Variants in STT3A observed in about 807,000 individuals in gnomAD.
STT3A encodes STT3 oligosaccharyltransferase complex catalytic subunit A.
A neutral mutation model predicts 89.2 loss-of-function variants in STT3A; 34 were observed. The observed-to-expected ratio is 0.38, with a 90% CI of 0.29 to 0.51. The LOEUF is 0.51. Ranked by LOEUF, STT3A falls within the 20% of genes least tolerant of loss-of-function variation. The pLI is 0.89. For synonymous variants in STT3A, 282 were observed against 310.3 expected (o/e 0.91, Z 0.96); for missense variants, 555 against 889.5 (o/e 0.62, Z 4.78).
At position 125,597,432 on chromosome 11, in the gene STT3A, A is replaced by AG. The variant is rs1268413277; in HGVS notation, c.149+313_149+314insG. ...AAACCCCATCTCTACAAAAAAAAAA[A>AG]AAAAAGTATGTGTTGGAATTGACCA... On this transcript the variant is annotated intron_variant, in intron 3 of 17. Transcript: ENST00000392708. 2.6e-5 allele frequency among the ~76,000 whole-genome samples: 4 copies of AG among 151,480 alleles called. No individual in the cohort carries two copies. The East Asian group carries it at 5.8e-4, about 22-fold the overall frequency.
Position 125,601,289 on chromosome 11 carries a change from G to A in STT3A, c.150-1014G>A, listed in dbSNP as rs557476670. On this transcript the variant is annotated intron_variant, in intron 3 of 17. Transcript: ENST00000392708. The stretch of plus-strand genomic sequence containing the variant: ...GGAAATTATTCATGTGTCTTTGTGT[G>A]CAGTATAGATTTTTAAAAATATGTT... Among the ~76,000 whole-genome samples, 9 of 152,242 alleles carry A rather than the reference G, an allele frequency of 5.9e-5. No homozygotes were observed. The South Asian group carries it at 1.9e-3, about 32-fold the overall frequency.
chr11:125,612,793 GTGTGTA>G, intron 12 of STT3A, 46 bp downstream of exon 12: 2 of 1,592,594 alleles, frequency 1.3e-6, no homozygotes, highest in Admixed American at 1.7e-5. Context: ...CTGTGTGTGT[GTGTGTA>G]TGTGTGTATG....
rs2135921143 is a variant in STT3A at position 125,604,199 on chromosome 11, G to A, written c.460G>A (p.Val154Ile). 1 of 1,614,046 alleles carries A rather than the reference G, an allele frequency of 6.2e-7. No homozygotes were observed. Among genetic ancestry groups the A allele is most frequent in the Non-Finnish European group, 8.5e-7 (1 of 1,179,970 alleles). The change falls in exon 6 of 18, where the codon GTT becomes ATT. Residue 154 changes from valine to isoleucine, a missense_variant. Physicochemically the swap from Val to Ile is conservative, Grantham distance 29. Coordinates refer to ENST00000392708, the MANE Select transcript of STT3A (RefSeq NM_152713.5). ...GLLAAAMIAV[V>I]PGYISRSVAG... is the part of the protein sequence containing the mutation. ...TCTTGCTGCTGCCATGATTGCTGTA[G>A]TTCCTGGATATATCTCCCGATCTGT...
At chr11:125,611,199 C>T (rs1940004209) in intron 10 of STT3A, 1 of 384,358 alleles carries the variant, frequency 2.6e-6, no homozygotes, top group Non-Finnish European at 4.7e-6. Flanking sequence ...GTATAATTAG[C>T]TCCTTGTTTT....
Position 125,620,778 on chromosome 11 carries a change from G to A in STT3A, c.2086G>A (p.Asp696Asn). ...TGACATCTTTATGTTGCAGGTAAAG[G>A]ACCTGGATAATCGAGGCTTGTCAAG... ...HWLVRIYKVK[D>N]LDNRGLSRT Residue 696 changes from aspartate to asparagine, a missense_variant, in exon 18 of 18, where the codon GAC (aspartate) becomes AAC (asparagine). Around this residue, in one of 5 missense-constraint regions of STT3A, gnomAD observed 273 missense variants for 449.8 expected, o/e 0.61. Coordinates refer to ENST00000392708, the MANE Select transcript of STT3A (RefSeq NM_152713.5). The A allele has an allele frequency of 2.5e-6, 4 of 1,613,832 alleles. No homozygotes were observed. Among genetic ancestry groups the A allele is most frequent in the South Asian group, 1.1e-5 (1 of 91,062 alleles).
At chr11:125,609,822 G>A in intron 10 of STT3A, 1 of 456,420 alleles carries the variant, frequency 2.2e-6, no homozygotes, top group Non-Finnish European at 3.8e-6. Context: ...TGTCATTTGT[G>A]TTATAAGTTA....
At position 125,620,966 on chromosome 11, in the gene STT3A, G is replaced by A. The variant is rs542090523; in HGVS notation, c.*156G>A. The A allele has an allele frequency of 1.2e-4, 63 of 514,648 alleles. No individual in the cohort carries two copies. The highest frequency in any genetic ancestry group is 1.1e-3 in the African/African-American group (56 of 50,772). The allele number at this position is 514,648 out of a possible 1,614,324, so 31.9% of individuals were successfully genotyped here. On this transcript the variant is annotated 3_prime_UTR_variant, in exon 18 of 18. Coordinates refer to ENST00000392708, the MANE Select transcript of STT3A (RefSeq NM_152713.5). The stretch of plus-strand genomic sequence containing the variant: ...AGTTTTGTCTTGGGCAGTATGGGCT[G>A]GGCCAAATGAAATGATTTTTATAAT...
chr11:125,618,750 T>C (rs946254536), intron 16 of STT3A, among the ~76,000 whole-genome samples, 189 bp downstream of exon 16: 5 of 152,142 alleles, frequency 3.3e-5, no homozygotes, highest in Admixed American at 6.5e-5. Context: ...GCATATTTTT[T>C]TGAGACAGGG....
At chr11:125,617,738 C>T (rs1313487009) in intron 15 of STT3A, among the ~76,000 whole-genome samples, 3 of 152,120 alleles carry the variant, frequency 2.0e-5, no homozygotes, top group Non-Finnish European at 4.4e-5. Context: ...TCTTGTCTAC[C>T]TTTTTGGTAA....
intron 17 of STT3A, among the ~76,000 whole-genome samples, 190 bp downstream of exon 17, chr11:125,620,316 C>T (rs1303775607): frequency 6.6e-6 from 1 of 152,204 alleles, no homozygotes; most frequent in Non-Finnish European, 1.5e-5. Flanking sequence ...TGATCCCAGT[C>T]TGCCATCATT....
chr11:125,620,169 G>T, intron 17 of STT3A, 43 bp downstream of exon 17: 1 of 1,517,742 alleles, frequency 6.6e-7, no homozygotes, highest in Non-Finnish European at 9.1e-7. Context: ...TTTTATTTTT[G>T]GAGATTGGTT....
At chr11:125,607,828 A>T (rs913287841) in intron 8 of STT3A, among the ~76,000 whole-genome samples, 1 of 152,226 alleles carries the variant, frequency 6.6e-6, no homozygotes, top group East Asian at 1.9e-4. Context: ...ATTTTAGTGG[A>T]TGGGAATTTG....
At position 125,622,619 on chromosome 11, in the gene STT3A, C is replaced by T. The variant is rs1940380371; in HGVS notation, c.*1809C>T. 1 of 152,328 alleles carries T rather than the reference C, an allele frequency of 6.6e-6. No individual in the cohort carries two copies. The allele number at this position is 152,328 out of a possible 1,614,324, so 9.4% of individuals were successfully genotyped here. On this transcript the variant is annotated 3_prime_UTR_variant, in exon 18 of 18. Coordinates refer to ENST00000392708, the MANE Select transcript of STT3A (RefSeq NM_152713.5). Reference sequence around the variant, plus strand: ...CAAATCTAGGCCAGGTGCAGTGGCTCATGCCTGTAATCCCAGCACTTTGGG... The same window carrying T: ...CAAATCTAGGCCAGGTGCAGTGGCTTATGCCTGTAATCCCAGCACTTTGGG...
chr11:125,601,548 C>A (rs1342491379), intron 3 of STT3A, among the ~76,000 whole-genome samples: 1 of 151,824 alleles, frequency 6.6e-6, no homozygotes, highest in African/African-American at 2.4e-5. Flanking sequence ...GCTTGAACTC[C>A]GTAGGCAGAG....
intron 12 of STT3A, 101 bp from the exon 13 acceptor site, chr11:125,612,888 T>G: frequency 6.6e-7 from 1 of 1,521,444 alleles, no homozygotes; most frequent in Non-Finnish European, 9.0e-7. Context: ...CTCTGACTTA[T>G]TTTGATCAAT....
At chr11:125,618,784 G>A (rs1940256236) in intron 16 of STT3A, among the ~76,000 whole-genome samples, 1 of 150,870 alleles carries the variant, frequency 6.6e-6, no homozygotes, top group Admixed American at 6.6e-5. Flanking sequence ...ACCCAGGCTG[G>A]AGTGCAGTGG....
Position 125,613,235 on chromosome 11 carries a change from T to C in STT3A, c.1554+58T>C. 1 of 1,578,308 alleles carries C rather than the reference T, an allele frequency of 6.3e-7. No individual in the cohort carries two copies. The highest frequency in any genetic ancestry group is 8.7e-7 in the Non-Finnish European group (1 of 1,154,854). ...TAGGGGCAAAGGGGAAGACATTTGA[T>C]GTTACAGTGAATCATACAGCTTTTA... On this transcript the variant is annotated intron_variant, in intron 13 of 17. Coordinates refer to ENST00000392708, the MANE Select transcript of STT3A (RefSeq NM_152713.5). This position sits in a 1 kb window ranked among gnomAD's most constrained non-coding sequence, Gnocchi z 4.2.
chr11:125,596,124 T>G (rs1565340962), intron 2 of STT3A, 121 bp downstream of exon 2: 10 of 775,820 alleles, frequency 1.3e-5, no homozygotes, highest in Non-Finnish European at 2.1e-5. Flanking sequence ...ATTTTTCCAT[T>G]CCTCATTAGT....
At chr11:125,605,524 C>A in intron 6 of STT3A, 105 bp from the exon 7 acceptor site, 1 of 718,460 alleles carries the variant, frequency 1.4e-6, no homozygotes, top group Non-Finnish European at 2.3e-6. Flanking sequence ...CCTAAAATTA[C>A]ACTATTACTT....
Sources: allele counts gnomAD v4.1 joint callset (sites outside exome capture counted in the v4.1 genomes callset), GRCh38; gene constraint gnomAD v4.1.1; regional missense constraint gnomAD v4.1.1; non-coding constraint Gnocchi (gnomAD v3.1); transcripts MANE v1.5; gene names NCBI Gene and HGNC (gene_info 2026-07-23, HGNC 2026-07-21).